MSI2: variants seen among roughly 807,000 people sequenced by gnomAD.
MSI2 encodes musashi RNA binding protein 2, also known as RNA-binding protein Musashi homolog 2.
Under a neutral mutation model 45.6 loss-of-function variants are expected in MSI2, and 17 were observed. The observed-to-expected ratio is 0.37, with a 90% CI of 0.26 to 0.56. MSI2 has a LOEUF of 0.56. MSI2 is among the 20% of genes least tolerant of loss of function. The pLI, the probability that MSI2 is intolerant of heterozygous loss-of-function variation, is 0.77. For synonymous variants in MSI2, 156 were observed against 158.2 expected, an observed-to-expected ratio of 0.99 and a Z score of 0.11; for missense variants, 293 against 444.2, an observed-to-expected ratio of 0.66 and a Z score of 3.06.
chr17:57,581,004 CTTTTT>C (rs3059122), intron 7 of MSI2, among the ~76,000 whole-genome samples: 4 of 66,506 alleles, frequency 6.0e-5, no homozygotes, highest in Admixed American at 2.4e-4. Flanking sequence ...AGGTCAGCAT[CTTTTT>C]TTTTTTTTTT....
intron 5 of MSI2, among the ~76,000 whole-genome samples, chr17:57,284,195 T>C (rs1288785031): frequency 2.0e-5 from 3 of 152,178 alleles, no homozygotes; most frequent in South Asian, 4.1e-4. Context: ...ATGAAAGAGT[T>C]GGATTGGCTG....
intron 5 of MSI2, among the ~76,000 whole-genome samples, chr17:57,395,781 T>G (rs1287491211): frequency 6.6e-6 from 1 of 152,234 alleles, no homozygotes; most frequent in African/African-American, 2.4e-5. Flanking sequence ...ATTCTGAATT[T>G]GGTGAGCACT....
Position 57,683,386 on chromosome 17 carries a change from C to G in MSI2, c.*3869C>G, listed in dbSNP as rs1463086168. 4.4e-6 allele frequency: 1 copy of G among 229,308 alleles called. No individual in the cohort carries two copies. Among genetic ancestry groups the G allele is most frequent in the African/African-American group, 2.2e-5 (1 of 45,042 alleles). 14.2% of individuals were successfully genotyped at this position (229,308 alleles called of 1,614,324 possible). On this transcript the variant is annotated 3_prime_UTR_variant, in exon 14 of 14. Transcript: ENST00000284073. The surrounding 1 kb of genome is among the most constrained non-coding windows in gnomAD (Gnocchi z 5.2). ...TTGGGGAAAAAATTTATTTTTGGTT[C>G]CAAATAGAAAAACAAAACCTATTTT...
At chr17:57,675,254 C>T in intron 12 of MSI2, 128 bp downstream of exon 12, 2 of 918,178 alleles carry the variant, frequency 2.2e-6, no homozygotes, top group South Asian at 1.7e-5. Flanking sequence ...ATCAACATCA[C>T]ACCAGCTCCT....
chr17:57,441,502 C>G (rs1382502784), intron 6 of MSI2, among the ~76,000 whole-genome samples: 2 of 152,172 alleles, frequency 1.3e-5, no homozygotes, highest in Admixed American at 1.3e-4. Flanking sequence ...GACCTCTGCA[C>G]TCAGCTGGAA....
Position 57,456,252 on chromosome 17 carries a change from C to T in MSI2, c.405+54781C>T, listed in dbSNP as rs557881861. Among the ~76,000 whole-genome samples, 3 of 152,318 alleles carry T rather than the reference C, an allele frequency of 2.0e-5. No individual in the cohort carries two copies. In the South Asian group the frequency reaches 6.2e-4, roughly 32 times the overall value. ...GGGAGACAGACAAGAAGGGATGAGT[C>T]CAGGGCACTTGTATGTCTGTACCTT... On this transcript the variant is annotated intron_variant, in intron 6 of 13. Coordinates refer to ENST00000284073, the MANE Select transcript of MSI2 (RefSeq NM_138962.4).
At chr17:57,414,112 G>A (rs1384326736) in intron 6 of MSI2, among the ~76,000 whole-genome samples, 1 of 152,206 alleles carries the variant, frequency 6.6e-6, no homozygotes, top group East Asian at 1.9e-4. Flanking sequence ...TGTCATCAAG[G>A]AAAGAAACCA....
intron 10 of MSI2, chr17:57,630,686 A>G (rs1051660818): frequency 2.6e-5 from 4 of 152,358 alleles, no homozygotes. Context: ...CTCCCCAAGC[A>G]GCCAAATGTT....
At chr17:57,381,780 T>C (rs569323860) in intron 5 of MSI2, among the ~76,000 whole-genome samples, 3 of 152,378 alleles carry the variant, frequency 2.0e-5, no homozygotes, top group African/African-American at 7.2e-5. Context: ...TGCTTATCTT[T>C]GTATTTTCAG....
chr17:57,479,984 T>C (rs1344638534), intron 6 of MSI2, among the ~76,000 whole-genome samples: 1 of 152,196 alleles, frequency 6.6e-6, no homozygotes, highest in East Asian at 1.9e-4. Context: ...TGAAGGTCCA[T>C]TTATTTTTTT....
chr17:57,649,342 G>A (rs1361061228), intron 10 of MSI2, among the ~76,000 whole-genome samples: 2 of 138,790 alleles, frequency 1.4e-5, no homozygotes, highest in East Asian at 2.1e-4. Context: ...ATCCACATAC[G>A]CCCAACACAT....
chr17:57,425,010 C>G (rs943189504), intron 6 of MSI2, among the ~76,000 whole-genome samples: 2 of 152,108 alleles, frequency 1.3e-5, no homozygotes, highest in African/African-American at 4.8e-5. Flanking sequence ...GTTAGTCATC[C>G]GGCCCTGCAG....
chr17:57,687,778 A>G (rs535052930), downstream of MSI2, among the ~76,000 whole-genome samples: 3 of 152,226 alleles, frequency 2.0e-5, no homozygotes, highest in African/African-American at 7.2e-5. Context: ...CAAAAAATAT[A>G]TCTACAGACT....
At chr17:57,447,506 T>C (rs1390508148) in intron 6 of MSI2, among the ~76,000 whole-genome samples, 1 of 152,088 alleles carries the variant, frequency 6.6e-6, no homozygotes, top group Admixed American at 6.5e-5. Flanking sequence ...GTCCTGATCC[T>C]CCTGTCACAT....
At chr17:57,352,740 A>G (rs792385) in intron 5 of MSI2, among the ~76,000 whole-genome samples, 75,176 of 152,126 alleles carry the variant, frequency 0.49, 21,745 homozygotes, top group African/African-American at 0.82. Flanking sequence ...CCAGTTTCTT[A>G]TGTTCAAGCT....
intron 5 of MSI2, among the ~76,000 whole-genome samples, chr17:57,310,432 C>G (rs1912300722): frequency 6.6e-6 from 1 of 151,812 alleles, no homozygotes; most frequent in African/African-American, 2.4e-5. Flanking sequence ...CTCTCAGGTT[C>G]AAGTGATTCT....
intron 5 of MSI2, among the ~76,000 whole-genome samples, chr17:57,381,910 T>C (rs187967486): frequency 2.4e-4 from 37 of 152,332 alleles, no homozygotes; most frequent in African/African-American, 8.7e-4. Context: ...TAAGTTAAAT[T>C]CAATAGACTA....
chr17:57,596,910 A>C lies in MSI2; in HGVS notation c.497A>C (p.Lys166Thr). 6.2e-7 allele frequency: 1 copy of C among 1,613,712 alleles called. No individual in the cohort carries two copies. Among genetic ancestry groups the C allele is most frequent in the South Asian group, 1.1e-5 (1 of 91,068 alleles). ...VTFENEDVVE[K>T]VCEIHFHEIN... ...TTTGAGAATGAAGATGTTGTGGAGA[A>C]AGTCTGTGAGATTCATTTCCATGAA... is the stretch of plus-strand genomic sequence containing the variant. Residue 166 changes from lysine (K) to threonine (T), a missense_variant, in exon 8 of 14, where the codon AAA (lysine) becomes ACA (threonine). Transcript: ENST00000284073. This position sits in a 1 kb window ranked among gnomAD's most constrained non-coding sequence, Gnocchi z 4.6.
chr17:57,325,357 A>T lies in MSI2; in HGVS notation c.312+63165A>T, dbSNP rs147043381. On this transcript the variant is annotated intron_variant, in intron 5 of 13. Transcript: ENST00000284073. Reference sequence around the variant, plus strand: ...AAAAACTACATATTGGATGCAATATATGCTATTCAGCTAACAGGTGCACTG... The same window carrying T: ...AAAAACTACATATTGGATGCAATATTTGCTATTCAGCTAACAGGTGCACTG... Among the ~76,000 whole-genome samples the T allele has an allele frequency of 4.7e-3, 718 of 152,372 alleles. 5 individuals carry two copies. The highest frequency in any genetic ancestry group is 7.2e-3 in the Non-Finnish European group (490 of 68,040).
Sources: gnomAD v4.1 joint callset for allele counts (sites outside exome capture counted in the v4.1 genomes callset) on GRCh38, gnomAD v4.1.1 for gene constraint, Gnocchi (gnomAD v3.1) non-coding constraint, MANE v1.5 for transcripts, NCBI Gene and HGNC (gene_info 2026-07-23, HGNC 2026-07-21) for gene names.